Variants in DNAJB12 observed in about 807,000 individuals in gnomAD.
DNAJB12 encodes the protein DnaJ heat shock protein family (Hsp40) member B12.
DNAJB12 carries 14 observed loss-of-function variants against 40.6 expected under a neutral mutation model. That is an observed-to-expected ratio of 0.34 (90% confidence interval 0.23 to 0.54). DNAJB12 has a LOEUF of 0.54. DNAJB12 is among the 20% of genes least tolerant of loss of function. The probability of loss-of-function intolerance (pLI) is 0.92; values close to 1 mark genes in which losing one functional copy is unlikely to be tolerated. For missense variants in DNAJB12, 444 were observed against 501.7 expected (o/e 0.89, Z 1.10); for synonymous variants, 181 against 199.5 (o/e 0.91, Z 0.78).
rs574125687 is a variant in DNAJB12, at chr10:72,339,777, G to A, written c.723+1012C>T. Among the ~76,000 whole-genome samples the A allele has an allele frequency of 1.3e-4, 20 of 150,106 alleles. No individual in the cohort carries two copies. The South Asian group carries it at 4.2e-3, about 32-fold the overall frequency. On this transcript the variant is annotated intron_variant, in intron 5 of 8. Coordinates refer to ENST00000444643, the MANE Select transcript of DNAJB12 (RefSeq NM_017626.7). ...TGCCTAGGATGGAGTGCAGTGGCAC[G>A]ATCTCGGCTCAACACAACCTCTGCC... is the stretch of plus-strand genomic sequence containing the variant.
chr10:72,346,386 C>A (rs968910266), intron 1 of DNAJB12, among the ~76,000 whole-genome samples: 1 of 151,992 alleles, frequency 6.6e-6, no homozygotes, highest in Non-Finnish European at 1.5e-5. Context: ...AGTGCAGTGG[C>A]ATGATCTTAG....
chr10:72,340,832 T>A lies in DNAJB12; in HGVS notation c.680A>T (p.Tyr227Phe), dbSNP rs1001620141. Residue 227 changes from tyrosine to phenylalanine, a missense_variant, in exon 5 of 9, where the codon TAT becomes TTT. Physicochemically the swap from Tyr to Phe is conservative, Grantham distance 22. Transcript: ENST00000444643. ...GCGGTCCTGCCTTTGCTGGTAGGTA[T>A]AGCGCATGCGGCCGTTGCTGTAGAC... The part of the protein sequence containing the change: ...VHVYSNGRMR[Y>F]TYQQRQDRRD... The A allele has an allele frequency of 6.2e-7, 1 of 1,614,192 alleles. No homozygotes were observed. The highest frequency in any genetic ancestry group is 1.1e-5 in the South Asian group (1 of 91,078).
intron 8 of DNAJB12, 179 bp from the exon 9 acceptor site, chr10:72,334,796 C>A (rs1861422160): frequency 7.2e-7 from 1 of 1,383,490 alleles, no homozygotes; most frequent in South Asian, 1.7e-5. Flanking sequence ...GCACAAATGG[C>A]CTCCAGGCAG....
chr10:72,350,777 G>A (rs1357001479), intron 1 of DNAJB12, among the ~76,000 whole-genome samples: 18 of 152,144 alleles, frequency 1.2e-4, no homozygotes, highest in Admixed American at 1.2e-3. Context: ...GACGATCTCT[G>A]CTCTCATAGG....
rs1445732877 is a variant in DNAJB12, at chr10:72,340,799, T to G, written c.713A>C (p.Asn238Thr). 8.7e-6 allele frequency: 14 copies of G among 1,613,950 alleles called. No homozygotes were observed. Among genetic ancestry groups the G allele is most frequent in the Non-Finnish European group, 1.7e-6 (2 of 1,179,992 alleles). ...TYQQRQDRRD[N>T]QGDGGLGVFV... ...GCCCTCCTCACTCACATCACCCTGG[T>G]TGTCCCTGCGGTCCTGCCTTTGCTG... The change falls in exon 5 of 9, where the codon AAC (asparagine) becomes ACC (threonine). Residue 238 changes from asparagine to threonine, a missense_variant. By Grantham distance (65) the Asn-to-Thr change is moderately conservative (BLOSUM62 0). Transcript: ENST00000444643.
rs890920547 is a variant in DNAJB12 at position 72,335,725 on chromosome 10, T to C, written c.*30+55A>G. On this transcript the variant is annotated intron_variant, in intron 8 of 8. Transcript: ENST00000444643. This position sits in a 1 kb window ranked among gnomAD's most constrained non-coding sequence, Gnocchi z 4.4. Reference sequence around the variant, plus strand: ...TTTCTCCCCCTCCCTCCTCTGCTCATGACCAGGGCCAAAGCTGCCAGGAGT... The same window carrying C: ...TTTCTCCCCCTCCCTCCTCTGCTCACGACCAGGGCCAAAGCTGCCAGGAGT... 1.3e-6 allele frequency: 2 copies of C among 1,582,852 alleles called. No homozygotes were observed. Among genetic ancestry groups the C allele is most frequent in the African/African-American group, 1.3e-5 (1 of 74,406 alleles).
intron 1 of DNAJB12, chr10:72,354,442 A>C: frequency 9.7e-6 from 3 of 308,986 alleles, no homozygotes; most frequent in Non-Finnish European, 1.8e-5. Context: ...CCCCTTGGGA[A>C]AAGTAGTTCG....
intron 3 of DNAJB12, among the ~76,000 whole-genome samples, chr10:72,342,189 C>T (rs1284200995): frequency 2.0e-5 from 3 of 152,196 alleles, no homozygotes; most frequent in Admixed American, 6.5e-5. Flanking sequence ...AGGCCCCAAC[C>T]GTTATTTCCT....
At position 72,338,267 on chromosome 10, in the gene DNAJB12, C is replaced by G. The variant is rs772464855; in HGVS notation, c.768G>C (p.Leu256=). The G allele has an allele frequency of 1.2e-6, 2 of 1,614,056 alleles. No homozygotes were observed. The highest frequency in any genetic ancestry group is 4.5e-5 in the East Asian group (2 of 44,878). The change falls in exon 6 of 9, where the codon CTG becomes CTC. Residue 256 remains leucine, a synonymous_variant. Transcript: ENST00000444643. Reference sequence around the variant, plus strand: ...GCTGGCTGAGAGCTGACACGAGAATCAGGATGAGGATAGGCATCAGCTGCA... The same window carrying G: ...GCTGGCTGAGAGCTGACACGAGAATGAGGATGAGGATAGGCATCAGCTGCA... ...VFVQLMPILI[L]ILVSALSQLM...
chr10:72,354,660 G>T, intron 1 of DNAJB12, 105 bp downstream of exon 1: 1 of 1,107,582 alleles, frequency 9.0e-7, no homozygotes, highest in Non-Finnish European at 1.3e-6. Flanking sequence ...AGGCGTAGCC[G>T]CGCCTCGCCA....
chr10:72,343,607 G>A, intron 2 of DNAJB12, 96 bp from the exon 3 acceptor site: 1 of 1,375,080 alleles, frequency 7.3e-7, no homozygotes, highest in Non-Finnish European at 1.0e-6. Flanking sequence ...CTCTGGGCAG[G>A]CTGCGGGGGA....
At chr10:72,342,336 A>G (rs1276394430) in intron 3 of DNAJB12, among the ~76,000 whole-genome samples, 1 of 152,214 alleles carries the variant, frequency 6.6e-6, no homozygotes, top group Non-Finnish European at 1.5e-5. Flanking sequence ...TCCAAGCCAC[A>G]TCTGATTCCC....
At chr10:72,334,848 G>A (rs1211648626) in intron 8 of DNAJB12, 17 of 1,342,148 alleles carry the variant, frequency 1.3e-5, no homozygotes, top group Non-Finnish European at 1.6e-5. Context: ...AGGCAAAGGA[G>A]GGGGTGGGCA....
Position 72,334,176 on chromosome 10 carries a change from A to G in DNAJB12, c.*472T>C, listed in dbSNP as rs3183629. 2.3e-5 allele frequency: 6 copies of G among 255,402 alleles called. No homozygotes were observed. Among genetic ancestry groups the G allele is most frequent in the Non-Finnish European group, 3.8e-5 (5 of 130,156 alleles). 15.8% of individuals were successfully genotyped at this position (255,402 alleles called of 1,614,324 possible). On this transcript the variant is annotated 3_prime_UTR_variant, in exon 9 of 9. Coordinates refer to ENST00000444643, the MANE Select transcript of DNAJB12 (RefSeq NM_017626.7). ...TATAAATAGATATATATACATATACACGCATCTATAAATTACATTCTATGG... is the reference window on the plus strand; with the variant it reads ...TATAAATAGATATATATACATATACGCGCATCTATAAATTACATTCTATGG...
chr10:72,350,022 C>T (rs745944489), intron 1 of DNAJB12, among the ~76,000 whole-genome samples: 3 of 151,942 alleles, frequency 2.0e-5, no homozygotes, highest in Non-Finnish European at 2.9e-5. Context: ...GAAGGGAATT[C>T]GATAGAAGAG....
chr10:72,335,980 C>A lies in DNAJB12; in HGVS notation c.1007-49G>T. ...AGTGCACACCCAGTACCTCCCGAAGCCTGCAAGGAAGCCTGCGAGGGCTGT... is the reference window on the plus strand; with the variant it reads ...AGTGCACACCCAGTACCTCCCGAAGACTGCAAGGAAGCCTGCGAGGGCTGT... On this transcript the variant is annotated intron_variant, in intron 7 of 8. Transcript: ENST00000444643. The surrounding 1 kb of genome is among the most constrained non-coding windows in gnomAD (Gnocchi z 4.4). 1.9e-6 allele frequency: 3 copies of A among 1,605,896 alleles called. No homozygotes were observed. Among genetic ancestry groups the A allele is most frequent in the Non-Finnish European group, 2.6e-6 (3 of 1,174,312 alleles).
At position 72,335,613 on chromosome 10, in the gene DNAJB12, C is replaced by T; in HGVS notation, c.*30+167G>A. The T allele has an allele frequency of 1.4e-6, 2 of 1,398,672 alleles. No homozygotes were observed. The highest frequency in any genetic ancestry group is 1.9e-6 in the Non-Finnish European group (2 of 1,076,978). The allele number at this position is 1,398,672 out of a possible 1,614,324, so 86.6% of individuals were successfully genotyped here. ...AGGGCGGAAACCGACCTTGGTTTCC[C>T]AGCAGGCCCCACAGCTGCTCGGTCT... On this transcript the variant is annotated intron_variant, in intron 8 of 8. Coordinates refer to ENST00000444643, the MANE Select transcript of DNAJB12 (RefSeq NM_017626.7). The surrounding 1 kb of genome is among the most constrained non-coding windows in gnomAD (Gnocchi z 4.4).
At chr10:72,351,085 C>T (rs1040444594) in intron 1 of DNAJB12, among the ~76,000 whole-genome samples, 2 of 152,188 alleles carry the variant, frequency 1.3e-5, no homozygotes. Context: ...CCCAGCCAAT[C>T]CTCTCTTTGT....
Position 72,335,650 on chromosome 10 carries a change from A to G in DNAJB12, c.*30+130T>C. On this transcript the variant is annotated intron_variant, in intron 8 of 8. Coordinates refer to ENST00000444643, the MANE Select transcript of DNAJB12 (RefSeq NM_017626.7). The surrounding 1 kb of genome is among the most constrained non-coding windows in gnomAD (Gnocchi z 4.4). The stretch of plus-strand genomic sequence containing the variant: ...CAGCTGCTCGGTCTCTGGAGGCTGG[A>G]GGTCAGGCTGGGGACAGGAGTCTTT... The G allele has an allele frequency of 7.0e-7, 1 of 1,433,722 alleles. No individual in the cohort carries two copies. The highest frequency in any genetic ancestry group is 9.1e-7 in the Non-Finnish European group (1 of 1,095,696). The allele number at this position is 1,433,722 out of a possible 1,614,324, so 88.8% of individuals were successfully genotyped here.
Sources: gnomAD v4.1 joint callset for allele counts (sites outside exome capture counted in the v4.1 genomes callset) on GRCh38, gnomAD v4.1.1 for gene constraint, Gnocchi (gnomAD v3.1) non-coding constraint, MANE v1.5 for transcripts, NCBI Gene and HGNC (gene_info 2026-07-23, HGNC 2026-07-21) for gene names.